SAMTOR: variants seen among roughly 807,000 people sequenced by gnomAD.
SAMTOR encodes S-adenosylmethionine sensor upstream of mTORC1, also known as UPF0532 protein C7orf60.
the SAMTOR span, among the ~76,000 whole-genome samples, chr7:112,895,998 T>C: frequency 1.3e-5 from 2 of 152,236 alleles, no homozygotes; most frequent in African/African-American, 2.4e-5. Flanking sequence ...TGTTTGTATA[T>C]ACTTTACTGA....
At chr7:112,932,792 G>C in the SAMTOR span, among the ~76,000 whole-genome samples, 1 of 152,138 alleles carries the variant, frequency 6.6e-6, no homozygotes, top group Non-Finnish European at 1.5e-5. Context: ...TGGGGTTTGT[G>C]ATGATTAATA....
At chr7:112,847,956 T>C in the SAMTOR span, among the ~76,000 whole-genome samples, 2 of 152,000 alleles carry the variant, frequency 1.3e-5, no homozygotes, top group Non-Finnish European at 2.9e-5. Context: ...ACAGACCACA[T>C]AGCTAGTCAC....
the SAMTOR span, among the ~76,000 whole-genome samples, chr7:112,893,632 C>A: frequency 6.6e-6 from 1 of 152,180 alleles, no homozygotes; most frequent in African/African-American, 2.4e-5. Context: ...ATAGCACTTT[C>A]AATTTTAAAA....
chr7:112,849,704 T>G, the SAMTOR span, among the ~76,000 whole-genome samples: 5 of 152,176 alleles, frequency 3.3e-5, no homozygotes, highest in African/African-American at 1.2e-4. Context: ...TTTCAACTTT[T>G]CTCCATTTAG....
chr7:112,861,975 C>G, the SAMTOR span, among the ~76,000 whole-genome samples: 3 of 152,156 alleles, frequency 2.0e-5, no homozygotes, highest in African/African-American at 7.2e-5. Context: ...GAAAAGAGGC[C>G]AGGTACAGCG....
At chr7:112,883,780 T>G in the SAMTOR span, among the ~76,000 whole-genome samples, 10 of 152,228 alleles carry the variant, frequency 6.6e-5, no homozygotes, top group African/African-American at 2.4e-4. Context: ...CAGAATGCAT[T>G]TTACTTTTCT....
chr7:112,864,901 G>A, the SAMTOR span, among the ~76,000 whole-genome samples: 6 of 152,240 alleles, frequency 3.9e-5, no homozygotes, highest in East Asian at 5.8e-4. Context: ...ACAGAGGTGC[G>A]TAGCACCGTG....
chr7:112,830,484 A>C, the SAMTOR span, among the ~76,000 whole-genome samples: 14 of 152,182 alleles, frequency 9.2e-5, no homozygotes, highest in African/African-American at 3.1e-4. Context: ...AAATAGATTT[A>C]ATATTAAGCT....
At chr7:112,819,748 G>A in the SAMTOR span, 6 of 152,394 alleles carry the variant, frequency 3.9e-5, no homozygotes, top group East Asian at 3.9e-4. Context: ...CAACATTTTC[G>A]CTGTAACACA....
At chr7:112,892,319 T>A in the SAMTOR span, among the ~76,000 whole-genome samples, 1 of 152,210 alleles carries the variant, frequency 6.6e-6, no homozygotes, top group African/African-American at 2.4e-5. Flanking sequence ...CAAACTCATA[T>A]TCATGTTAAT....
At chr7:112,937,284 G>A in the SAMTOR span, among the ~76,000 whole-genome samples, 18 of 152,296 alleles carry the variant, frequency 1.2e-4, no homozygotes, top group African/African-American at 4.3e-4. Flanking sequence ...CACTGCATTT[G>A]CTGGTAGAAG....
At chr7:112,895,583 AGG>A in the SAMTOR span, 1 of 1,551,822 alleles carries the variant, frequency 6.4e-7, no homozygotes, top group Non-Finnish European at 8.8e-7. Context: ...TTATAAATTC[AGG>A]GTTTGTAAAG....
the SAMTOR span, chr7:112,939,529 G>A: frequency 2.5e-6 from 4 of 1,611,154 alleles, no homozygotes; most frequent in South Asian, 3.3e-5. Context: ...GGAGGGAAGA[G>A]GTGACAAGCG....
chr7:112,843,208 C>T, the SAMTOR span, among the ~76,000 whole-genome samples: 76 of 151,968 alleles, frequency 5.0e-4, no homozygotes, highest in Non-Finnish European at 9.6e-4. Flanking sequence ...AAGACAGATC[C>T]CTTTTCAAAA....
At chr7:112,846,480 C>T in the SAMTOR span, among the ~76,000 whole-genome samples, 24 of 152,140 alleles carry the variant, frequency 1.6e-4, no homozygotes, top group African/African-American at 5.8e-4. Flanking sequence ...CAAACCTGCA[C>T]GTGTTCTCCT....
At chr7:112,924,708 T>C in the SAMTOR span, among the ~76,000 whole-genome samples, 2 of 152,168 alleles carry the variant, frequency 1.3e-5, no homozygotes, top group African/African-American at 2.4e-5. Context: ...GGGAAAAGTT[T>C]TCTAGATTCT....
the SAMTOR span, among the ~76,000 whole-genome samples, chr7:112,849,552 A>C: frequency 6.6e-6 from 1 of 152,206 alleles, no homozygotes; most frequent in South Asian, 2.1e-4. Context: ...GCAAACAGAG[A>C]AAATTTGACT....
the SAMTOR span, among the ~76,000 whole-genome samples, chr7:112,875,875 C>G: frequency 6.6e-6 from 1 of 152,072 alleles, no homozygotes; most frequent in Non-Finnish European, 1.5e-5. Flanking sequence ...AAGTTTCTCT[C>G]TTTCTATTTT....
the SAMTOR span, among the ~76,000 whole-genome samples, chr7:112,854,998 C>T: frequency 6.6e-6 from 1 of 152,058 alleles, no homozygotes; most frequent in Admixed American, 6.6e-5. Context: ...ATATCATTAC[C>T]ATATAACAAT....
Sources: gnomAD v4.1 joint callset for allele counts (sites outside exome capture counted in the v4.1 genomes callset) on GRCh38, gnomAD v4.1.1 for gene constraint, MANE v1.5 for transcripts, NCBI Gene and HGNC (gene_info 2026-07-23, HGNC 2026-07-21) for gene names.